Variants in TBC1D16 observed in about 807,000 individuals in gnomAD.
TBC1D16 encodes the protein CTD-2529O21.1.
Under a neutral mutation model 74.7 loss-of-function variants are expected in TBC1D16, and 58 were observed. The ratio of observed to expected loss-of-function variants is 0.78; its 90% confidence interval spans 0.63 to 0.97. The LOEUF is 0.97. Ranked by LOEUF, TBC1D16 falls within the 50% of genes least tolerant of loss-of-function variation. TBC1D16 has a pLI of 0.00. For synonymous variants in TBC1D16, 493 were observed against 474.7 expected (o/e 1.04, Z -0.50); for missense variants, 1,014 against 1,079.5 (o/e 0.94, Z 0.85).
In TBC1D16 at chr17:79,993,169, C is replaced by T. The variant is rs569932635; in HGVS notation, c.779+16991G>A. ...AATAACCCACCAGCACACAGCCAGG[C>T]AGAGCTGGGATGTGGCCAAGGACTT... On this transcript the variant is annotated intron_variant, in intron 3 of 11. Transcript: ENST00000310924. This position sits in a 1 kb window ranked among gnomAD's most constrained non-coding sequence, Gnocchi z 5.1. Among the ~76,000 whole-genome samples, 1 of 152,352 alleles carries T rather than the reference C, an allele frequency of 6.6e-6. No homozygotes were observed. The highest frequency in any genetic ancestry group is 6.5e-5 in the Admixed American group (1 of 15,310).
chr17:80,031,312 A>G (rs2143440541), intron 1 of TBC1D16, among the ~76,000 whole-genome samples: 1 of 152,352 alleles, frequency 6.6e-6, no homozygotes, highest in Non-Finnish European at 1.5e-5. Flanking sequence ...CTGGCTGCAC[A>G]CAGAAGCCAC....
At chr17:79,973,578 C>T (rs1472754779) in intron 3 of TBC1D16, among the ~76,000 whole-genome samples, 7 of 151,866 alleles carry the variant, frequency 4.6e-5, no homozygotes, top group Non-Finnish European at 1.0e-4. Context: ...GGTGTGGCGG[C>T]GGGCGCCTGT....
chr17:79,970,834 G>A (rs977699669), intron 3 of TBC1D16, among the ~76,000 whole-genome samples: 15 of 136,680 alleles, frequency 1.1e-4, no homozygotes, highest in East Asian at 6.5e-4. Flanking sequence ...GTCCTTGTAC[G>A]AGTCCCAGTG....
Position 79,933,439 on chromosome 17 carries a change from G to A in TBC1D16, c.*7420C>T, listed in dbSNP as rs1226830948. On this transcript the variant is annotated 3_prime_UTR_variant, in exon 12 of 12. Transcript: ENST00000310924. ...TGTCCCGACGACGATAAAGAGCCAG[G>A]AGCAGAGAGCCCTGCATCTTGCCTG... 1 of 152,226 alleles carries A rather than the reference G, an allele frequency of 6.6e-6. No individual in the cohort carries two copies. The highest frequency in any genetic ancestry group is 2.4e-5 in the African/African-American group (1 of 41,446). 9.4% of individuals were successfully genotyped at this position (152,226 alleles called of 1,614,324 possible). A position where few individuals can be genotyped will look rare whatever the true frequency, so the allele number is the denominator to read the frequency against.
In TBC1D16 at chr17:79,934,876, C is replaced by T. The variant is rs1406580375; in HGVS notation, c.*5983G>A. 6.6e-6 allele frequency: 1 copy of T among 152,448 alleles called. No individual in the cohort carries two copies. Among genetic ancestry groups the T allele is most frequent in the Non-Finnish European group, 1.5e-5 (1 of 68,216 alleles). The allele number at this position is 152,448 out of a possible 1,614,324, so 9.4% of individuals were successfully genotyped here. ...AGGGGAAAAGACACACAGAGAACAA[C>T]AGAAAACAGTTGGAAACCCCAAAGG... On this transcript the variant is annotated 3_prime_UTR_variant, in exon 12 of 12. Transcript: ENST00000310924.
At position 79,950,782 on chromosome 17, in the gene TBC1D16, G is replaced by T. The variant is rs2032994941; in HGVS notation, c.1090-204C>A. 7 of 1,536,214 alleles carry T rather than the reference G, an allele frequency of 4.6e-6. No individual in the cohort carries two copies. Among genetic ancestry groups the T allele is most frequent in the Non-Finnish European group, 6.1e-6 (7 of 1,146,906 alleles). ...TTCATCTTAAAATCGGTTTCCCTCT[G>T]CGGCTCTCTCCTCCCCGGCCCACTG... is the stretch of plus-strand genomic sequence containing the variant. On this transcript the variant is annotated intron_variant, in intron 5 of 11. Transcript: ENST00000310924. This position sits in a 1 kb window ranked among gnomAD's most constrained non-coding sequence, Gnocchi z 4.6.
chr17:80,028,806 G>A (rs1238413547), intron 1 of TBC1D16, among the ~76,000 whole-genome samples: 1 of 151,704 alleles, frequency 6.6e-6, no homozygotes, highest in Non-Finnish European at 1.5e-5. Flanking sequence ...TATAGACGGG[G>A]TTTCACCATG....
intron 10 of TBC1D16, chr17:79,943,998 G>A: frequency 6.5e-7 from 1 of 1,530,382 alleles, no homozygotes; most frequent in Non-Finnish European, 8.8e-7. Context: ...GGCTGAGCCA[G>A]GAGGGAAACC....
rs2034839349 is a variant in TBC1D16, at chr17:79,986,472, T to G, written c.779+23688A>C. On this transcript the variant is annotated intron_variant, in intron 3 of 11. Transcript: ENST00000310924. The surrounding 1 kb of genome is among the most constrained non-coding windows in gnomAD (Gnocchi z 6.0). ...TGGGTAAGAGGCCCCGGGATTATTT[T>G]TGGAGGGCCCCTCCCTGCAGAGCAA... is the stretch of plus-strand genomic sequence containing the variant. 6.6e-6 allele frequency among the ~76,000 whole-genome samples: 1 copy of G among 152,154 alleles called. No homozygotes were observed. The highest frequency in any genetic ancestry group is 1.5e-5 in the Non-Finnish European group (1 of 68,024).
chr17:79,952,513 C>A, intron 4 of TBC1D16, 144 bp downstream of exon 4: 10 of 1,052,132 alleles, frequency 9.5e-6, no homozygotes, highest in Non-Finnish European at 1.3e-5. Context: ...ACAAGATCAG[C>A]GAGGGAGGAA....
At chr17:80,024,518 G>GCACCATAGACAAACCACA (rs1568648472) in intron 1 of TBC1D16, among the ~76,000 whole-genome samples, 2 of 127,070 alleles carry the variant, frequency 1.6e-5, no homozygotes, top group South Asian at 4.8e-4. Flanking sequence ...GACAAACCAC[G>GCACCATAGACAAACCACA]CACACCATGC....
rs1295728746 is a variant in TBC1D16 at position 79,941,973 on chromosome 17, G to A, written c.2055+87C>T. ...GCTCTGGGGGCGGGGCCCACATCTG[G>A]GGCAGCCTCACCTTTCTGAGAACGA... On this transcript the variant is annotated intron_variant, in intron 11 of 11. Transcript: ENST00000310924. This position sits in a 1 kb window ranked among gnomAD's most constrained non-coding sequence, Gnocchi z 4.3. The A allele has an allele frequency of 6.0e-6, 8 of 1,338,316 alleles. No homozygotes were observed. Among genetic ancestry groups the A allele is most frequent in the Non-Finnish European group, 8.1e-6 (8 of 981,618 alleles). 82.9% of individuals were successfully genotyped at this position (1,338,316 alleles called of 1,614,324 possible).
chr17:79,981,157 G>A lies in TBC1D16; in HGVS notation c.780-28339C>T, dbSNP rs887312777. On this transcript the variant is annotated intron_variant, in intron 3 of 11. Transcript: ENST00000310924. The surrounding 1 kb of genome is among the most constrained non-coding windows in gnomAD (Gnocchi z 6.9). The stretch of plus-strand genomic sequence containing the variant: ...GAAGGACAGAACTTGTTTAGGCATC[G>A]TTTCCTCGCTCCCTCCTTAATCTCC... Among the ~76,000 whole-genome samples, 58 of 152,122 alleles carry A rather than the reference G, an allele frequency of 3.8e-4. No individual in the cohort carries two copies. Among genetic ancestry groups the A allele is most frequent in the African/African-American group, 1.3e-3 (55 of 41,390 alleles).
At chr17:79,989,082 C>T (rs1278710350) in intron 3 of TBC1D16, among the ~76,000 whole-genome samples, 1 of 152,234 alleles carries the variant, frequency 6.6e-6, no homozygotes, top group Non-Finnish European at 1.5e-5. Context: ...CACAAACTCC[C>T]AAACACCTGT....
chr17:79,963,466 A>G (rs2033709881), intron 3 of TBC1D16, among the ~76,000 whole-genome samples: 1 of 151,912 alleles, frequency 6.6e-6, no homozygotes, highest in Non-Finnish European at 1.5e-5. Flanking sequence ...GTACGGATGG[A>G]CCGCGTTTTG....
Position 79,990,237 on chromosome 17 carries a change from C to T in TBC1D16, c.779+19923G>A, listed in dbSNP as rs564869423. ...CTAGCCGCGTGGACAGCAGCCGTAG[C>T]CCTCACAAGGCGTGTGCGGTGACGG... is the stretch of plus-strand genomic sequence containing the variant. On this transcript the variant is annotated intron_variant, in intron 3 of 11. Coordinates refer to ENST00000310924, the MANE Select transcript of TBC1D16 (RefSeq NM_019020.4). This position sits in a 1 kb window ranked among gnomAD's most constrained non-coding sequence, Gnocchi z 4.8. Among the ~76,000 whole-genome samples the T allele has an allele frequency of 6.6e-6, 1 of 152,374 alleles. No homozygotes were observed. Among genetic ancestry groups the T allele is most frequent in the African/African-American group, 2.4e-5 (1 of 41,594 alleles).
In TBC1D16 at chr17:79,988,202, G is replaced by A. The variant is rs537028748; in HGVS notation, c.779+21958C>T. Among the ~76,000 whole-genome samples the A allele has an allele frequency of 7.9e-5, 12 of 152,310 alleles. No individual in the cohort carries two copies. The East Asian group carries it at 1.7e-3, about 22-fold the overall frequency. ...GCTTCCCCTGACGCCTACCTGGGAGGTGCTTGCCTGGCCACCAGCCAGGGC... is the reference window on the plus strand; with the variant it reads ...GCTTCCCCTGACGCCTACCTGGGAGATGCTTGCCTGGCCACCAGCCAGGGC... On this transcript the variant is annotated intron_variant, in intron 3 of 11. Transcript: ENST00000310924. The surrounding 1 kb of genome is among the most constrained non-coding windows in gnomAD (Gnocchi z 5.7).
rs1224910358 is a variant in TBC1D16, at chr17:80,009,373, C to T, written c.779+787G>A. On this transcript the variant is annotated intron_variant, in intron 3 of 11. Coordinates refer to ENST00000310924, the MANE Select transcript of TBC1D16 (RefSeq NM_019020.4). This position sits in a 1 kb window ranked among gnomAD's most constrained non-coding sequence, Gnocchi z 5.4. ...CTGGGGCTCCGGGCTTATGCGACCA[C>T]ACGGGCACTCACCCCAAGGCCATGA... is the stretch of plus-strand genomic sequence containing the variant. 6.6e-6 allele frequency among the ~76,000 whole-genome samples: 1 copy of T among 152,214 alleles called. No homozygotes were observed. The highest frequency in any genetic ancestry group is 1.5e-5 in the Non-Finnish European group (1 of 68,036).
chr17:79,995,085 A>C (rs534792747), intron 3 of TBC1D16, among the ~76,000 whole-genome samples: 9 of 151,880 alleles, frequency 5.9e-5, no homozygotes, highest in African/African-American at 2.2e-4. Context: ...GGATCACCTG[A>C]GGTCAGGAGT....
Sources: gnomAD v4.1 joint callset for allele counts (sites outside exome capture counted in the v4.1 genomes callset) on GRCh38, gnomAD v4.1.1 for gene constraint, Gnocchi (gnomAD v3.1) non-coding constraint, MANE v1.5 for transcripts, NCBI Gene and HGNC (gene_info 2026-07-23, HGNC 2026-07-21) for gene names.